Variants in FBXL7 observed in about 807,000 individuals in gnomAD.
The protein encoded by FBXL7 is F-box and leucine rich repeat protein 7, also known as F-box/LRR-repeat protein 7.
Under a neutral mutation model 38.3 loss-of-function variants are expected in FBXL7, and 12 were observed. That is an observed-to-expected ratio of 0.31 (90% CI 0.20 to 0.51). The LOEUF is 0.51. Among genes scored for constraint, FBXL7 ranks in the 20% least tolerant of loss-of-function variants. The pLI, the probability that FBXL7 is intolerant of heterozygous loss-of-function variation, is 0.98. For missense variants in FBXL7, 567 were observed against 676.4 expected (o/e 0.84, Z 1.79); for synonymous variants, 297 against 300.9 (o/e 0.99, Z 0.13).
intron 1 of FBXL7, among the ~76,000 whole-genome samples, chr5:15,530,632 G>C (rs1737395013): frequency 6.6e-6 from 1 of 152,036 alleles, no homozygotes; most frequent in South Asian, 2.1e-4. Context: ...GTTTATTGTA[G>C]TGAAAAAACA....
chr5:15,652,013 C>T (rs1741724833), intron 2 of FBXL7, among the ~76,000 whole-genome samples: 1 of 152,214 alleles, frequency 6.6e-6, no homozygotes, highest in Non-Finnish European at 1.5e-5. Context: ...GAAACAGCTT[C>T]TTTCCTTAAA....
intron 2 of FBXL7, among the ~76,000 whole-genome samples, chr5:15,690,116 G>A (rs1046544646): frequency 1.3e-5 from 2 of 152,154 alleles, no homozygotes; most frequent in African/African-American, 4.8e-5. Flanking sequence ...CATTATGTAG[G>A]AAGATCCTTT....
intron 2 of FBXL7, among the ~76,000 whole-genome samples, chr5:15,894,015 C>T (rs546870485): frequency 6.0e-4 from 92 of 152,360 alleles, no homozygotes; most frequent in African/African-American, 2.2e-3. Flanking sequence ...CAGCCAGGCG[C>T]GGTGGCTTAC....
Position 15,683,001 on chromosome 5 carries a change from T to C in FBXL7, c.127+66929T>C, listed in dbSNP as rs1223371674. Among the ~76,000 whole-genome samples, 3 of 152,344 alleles carry C rather than the reference T, an allele frequency of 2.0e-5. No homozygotes were observed. In the East Asian group the frequency reaches 5.8e-4, roughly 29 times the overall value. ...ATAATAAATAAACTGTAGCCCTAAT[T>C]ATCCCCTGTAATGTTTACAAAAGCT... is the stretch of plus-strand genomic sequence containing the variant. On this transcript the variant is annotated intron_variant, in intron 2 of 3. Transcript: ENST00000504595.
chr5:15,817,902 C>T (rs187866410), intron 2 of FBXL7, among the ~76,000 whole-genome samples: 45 of 152,234 alleles, frequency 3.0e-4, no homozygotes, highest in Non-Finnish European at 5.1e-4. Context: ...ATGATCCAGC[C>T]TCAGATGTTT....
At chr5:15,613,595 T>C (rs1210573089) in intron 1 of FBXL7, among the ~76,000 whole-genome samples, 2 of 152,070 alleles carry the variant, frequency 1.3e-5, no homozygotes, top group East Asian at 1.9e-4. Flanking sequence ...TTTTTCTGAG[T>C]TCCTTGGTAT....
At chr5:15,501,784 A>G (rs1216447773) in intron 1 of FBXL7, 4 of 975,300 alleles carry the variant, frequency 4.1e-6, no homozygotes, top group Non-Finnish European at 4.9e-6. Context: ...CCGACCCTAC[A>G]AAAACCATAT....
At chr5:15,629,696 G>C (rs1361755346) in intron 2 of FBXL7, among the ~76,000 whole-genome samples, 1 of 152,190 alleles carries the variant, frequency 6.6e-6, no homozygotes, top group Non-Finnish European at 1.5e-5. Flanking sequence ...TTTTGAGGTA[G>C]GAATTGTGTT....
At chr5:15,736,266 G>C (rs975406491) in intron 2 of FBXL7, among the ~76,000 whole-genome samples, 21 of 152,084 alleles carry the variant, frequency 1.4e-4, no homozygotes, top group African/African-American at 4.8e-4. Context: ...TTACAACTTA[G>C]TTAATTAAAT....
intron 2 of FBXL7, among the ~76,000 whole-genome samples, chr5:15,642,082 A>G (rs1240616466): frequency 1.3e-5 from 2 of 152,046 alleles, no homozygotes; most frequent in East Asian, 1.9e-4. Context: ...TTAAAAGAAC[A>G]TAATGCCCAA....
intron 1 of FBXL7, among the ~76,000 whole-genome samples, chr5:15,577,403 G>T (rs1478325049): frequency 6.6e-6 from 1 of 152,166 alleles, no homozygotes; most frequent in Non-Finnish European, 1.5e-5. Context: ...GAGAAGTCAG[G>T]TAATTATGGA....
intron 1 of FBXL7, among the ~76,000 whole-genome samples, chr5:15,523,862 C>A (rs1737176263): frequency 6.6e-6 from 1 of 152,190 alleles, no homozygotes; most frequent in Non-Finnish European, 1.5e-5. Flanking sequence ...ATGCGGCGTT[C>A]TGCTGGCAGC....
chr5:15,922,415 A>G (rs925170493), intron 2 of FBXL7, among the ~76,000 whole-genome samples: 1 of 152,066 alleles, frequency 6.6e-6, no homozygotes, highest in Non-Finnish European at 1.5e-5. Context: ...ACTGCTTTGC[A>G]TTGTTTCTTG....
intron 2 of FBXL7, among the ~76,000 whole-genome samples, chr5:15,706,242 C>T (rs889158878): frequency 1.3e-5 from 2 of 152,108 alleles, no homozygotes; most frequent in African/African-American, 4.8e-5. Flanking sequence ...TTGGTGTTGT[C>T]TTCATAATAG....
chr5:15,902,103 T>C (rs760790340), intron 2 of FBXL7, among the ~76,000 whole-genome samples: 25 of 152,330 alleles, frequency 1.6e-4, no homozygotes, highest in Non-Finnish European at 2.9e-4. Flanking sequence ...TCCCATCTTG[T>C]TGCTCTTAAC....
chr5:15,734,210 A>G (rs984272954), intron 2 of FBXL7, among the ~76,000 whole-genome samples: 2 of 151,864 alleles, frequency 1.3e-5, no homozygotes, highest in Non-Finnish European at 2.9e-5. Flanking sequence ...AGCTTTCCAC[A>G]GATCCTGCTG....
At chr5:15,507,690 T>TTAGATAC (rs1240648113) in intron 1 of FBXL7, among the ~76,000 whole-genome samples, 1 of 152,098 alleles carries the variant, frequency 6.6e-6, no homozygotes, top group Non-Finnish European at 1.5e-5. Context: ...ATAAATAAAG[T>TTAGATAC]TTAGATACTT....
At position 15,885,890 on chromosome 5, in the gene FBXL7, A is replaced by T. The variant is rs1015000035; in HGVS notation, c.128-42000A>T. 8.3e-5 allele frequency among the ~76,000 whole-genome samples: 12 copies of T among 145,314 alleles called. No individual in the cohort carries two copies. The East Asian group carries it at 1.4e-3, about 17-fold the overall frequency. ...AACCAGGGATTTTTTAATTTATTTTATTTTTTTTTTTGTAGAGACGAGGTT... is the reference window on the plus strand; with the variant it reads ...AACCAGGGATTTTTTAATTTATTTTTTTTTTTTTTTTGTAGAGACGAGGTT... On this transcript the variant is annotated intron_variant, in intron 2 of 3. Transcript: ENST00000504595.
At chr5:15,846,338 T>C (rs981354545) in intron 2 of FBXL7, among the ~76,000 whole-genome samples, 1 of 152,240 alleles carries the variant, frequency 6.6e-6, no homozygotes, top group African/African-American at 2.4e-5. Context: ...ATTATATATT[T>C]GTTATAAAAA....
Sources: gnomAD v4.1 joint callset for allele counts (sites outside exome capture counted in the v4.1 genomes callset) on GRCh38, gnomAD v4.1.1 for gene constraint, MANE v1.5 for transcripts, NCBI Gene and HGNC (gene_info 2026-07-23, HGNC 2026-07-21) for gene names.